Variants in SLC25A13 observed in about 807,000 individuals in gnomAD.
The protein encoded by SLC25A13 is solute carrier family 25 member 13, also known as electrogenic aspartate/glutamate antiporter SLC25A13, mitochondrial.
SLC25A13 carries 70 observed loss-of-function variants against 85.5 expected under a neutral mutation model. That is an observed-to-expected ratio of 0.82 (90% CI 0.68 to 1.00). The LOEUF (loss-of-function observed/expected upper bound fraction) is 1.00. SLC25A13 is among the 50% of genes least tolerant of loss of function. The pLI is 0.00. For synonymous variants in SLC25A13, 259 were observed against 288.7 expected (o/e 0.90, Z 1.04); for missense variants, 765 against 819.8 (o/e 0.93, Z 0.82).
chr7:96,227,507 T>C (rs145822886), intron 4 of SLC25A13, among the ~76,000 whole-genome samples: 1 of 152,142 alleles, frequency 6.6e-6, no homozygotes, highest in Admixed American at 6.5e-5. Flanking sequence ...AAGAATAAAG[T>C]TGAAAACCTA....
At chr7:96,133,283 A>G (rs1792113506) in intron 14 of SLC25A13, among the ~76,000 whole-genome samples, 1 of 152,336 alleles carries the variant, frequency 6.6e-6, no homozygotes, top group East Asian at 1.9e-4. Context: ...AGGCTTCTGT[A>G]TCTTGTCCAC....
chr7:96,191,003 T>A, intron 7 of SLC25A13, 106 bp downstream of exon 7: 1 of 1,288,060 alleles, frequency 7.8e-7, no homozygotes, highest in Non-Finnish European at 1.1e-6. Flanking sequence ...ATAGTTAATA[T>A]GTGTCAATGG....
intron 14 of SLC25A13, among the ~76,000 whole-genome samples, chr7:96,138,531 G>C (rs1792389095): frequency 6.6e-6 from 1 of 151,768 alleles, no homozygotes; most frequent in Admixed American, 6.6e-5. Context: ...AAGTAGCTGG[G>C]ACTACAGGTG....
intron 3 of SLC25A13, among the ~76,000 whole-genome samples, chr7:96,254,201 C>G (rs1427168449): frequency 6.6e-6 from 1 of 152,190 alleles, no homozygotes; most frequent in Non-Finnish European, 1.5e-5. Context: ...AATAGGCAGT[C>G]TGGGTAAAGC....
chr7:96,167,923 C>T (rs1793822813), intron 13 of SLC25A13, among the ~76,000 whole-genome samples: 1 of 151,732 alleles, frequency 6.6e-6, no homozygotes, highest in South Asian at 2.1e-4. Context: ...CATGGTGAAA[C>T]CTAGTCTCTA....
At chr7:96,199,958 T>A (rs1341881775) in intron 5 of SLC25A13, among the ~76,000 whole-genome samples, 1 of 152,036 alleles carries the variant, frequency 6.6e-6, no homozygotes, top group Non-Finnish European at 1.5e-5. Flanking sequence ...GACATGCAAG[T>A]TTGTGCTTTA....
chr7:96,297,656 A>C lies in SLC25A13; in HGVS notation c.16-705T>G, dbSNP rs116590130. On this transcript the variant is annotated intron_variant, in intron 1 of 17. Transcript: ENST00000265631. ...GCCAAGAGAACATATTTCTTAAAGAAGTCAGTGAACTAGGGAAATCATATT... is the reference window on the plus strand; with the variant it reads ...GCCAAGAGAACATATTTCTTAAAGACGTCAGTGAACTAGGGAAATCATATT... Among the ~76,000 whole-genome samples, 439 of 152,248 alleles carry C rather than the reference A, an allele frequency of 2.9e-3. 1 individual carries two copies. The highest frequency in any genetic ancestry group is 9.8e-3 in the African/African-American group (407 of 41,564).
At chr7:96,197,678 C>T (rs1433535860) in intron 5 of SLC25A13, among the ~76,000 whole-genome samples, 3 of 151,718 alleles carry the variant, frequency 2.0e-5, no homozygotes, top group African/African-American at 7.3e-5. Context: ...TAGATCTCAA[C>T]TCAGAAGGGA....
At chr7:96,135,487 A>G (rs1167491141) in intron 14 of SLC25A13, among the ~76,000 whole-genome samples, 1 of 152,244 alleles carries the variant, frequency 6.6e-6, no homozygotes, top group Non-Finnish European at 1.5e-5. Context: ...TTGCTCTTGC[A>G]CAATGAAAAG....
chr7:96,200,965 C>A (rs1420343877), intron 5 of SLC25A13, among the ~76,000 whole-genome samples: 2 of 152,178 alleles, frequency 1.3e-5, no homozygotes, highest in African/African-American at 4.8e-5. Flanking sequence ...GATCACATCT[C>A]TAGTTACTCA....
At chr7:96,187,724 G>C (rs1794691872) in intron 9 of SLC25A13, among the ~76,000 whole-genome samples, 1 of 152,132 alleles carries the variant, frequency 6.6e-6, no homozygotes, top group South Asian at 2.1e-4. Context: ...GCATGTTCTT[G>C]AAATGAGACA....
chr7:96,280,671 C>G (rs1798642723), intron 2 of SLC25A13, among the ~76,000 whole-genome samples: 1 of 152,098 alleles, frequency 6.6e-6, no homozygotes, highest in Non-Finnish European at 1.5e-5. Flanking sequence ...GCCATGTTTG[C>G]ATCACTATAC....
intron 3 of SLC25A13, among the ~76,000 whole-genome samples, chr7:96,254,678 G>A (rs1244148233): frequency 6.6e-6 from 1 of 152,066 alleles, no homozygotes; most frequent in Non-Finnish European, 1.5e-5. Context: ...TCCCTCAAAG[G>A]AGCGTATATA....
At chr7:96,218,604 T>C (rs1274801308) in intron 4 of SLC25A13, among the ~76,000 whole-genome samples, 1 of 152,200 alleles carries the variant, frequency 6.6e-6, no homozygotes, top group Non-Finnish European at 1.5e-5. Context: ...AAAGATTCAC[T>C]TTTTGAAGCA....
chr7:96,288,842 T>C (rs1324424945), intron 2 of SLC25A13, among the ~76,000 whole-genome samples: 2 of 152,268 alleles, frequency 1.3e-5, no homozygotes, highest in African/African-American at 2.4e-5. Context: ...GGGCAGAGCA[T>C]AGCCGAACAA....
intron 3 of SLC25A13, among the ~76,000 whole-genome samples, chr7:96,272,540 T>A (rs1584544045): frequency 6.6e-6 from 1 of 152,294 alleles, no homozygotes; most frequent in East Asian, 1.9e-4. Flanking sequence ...GGAAAAGTGA[T>A]TTCCAGGTCA....
intron 11 of SLC25A13, among the ~76,000 whole-genome samples, chr7:96,176,144 G>A (rs1403735553): frequency 6.6e-6 from 1 of 152,210 alleles, no homozygotes; most frequent in Non-Finnish European, 1.5e-5. Context: ...TCAGAGGGAG[G>A]AGAGGTAGCA....
At chr7:96,138,992 T>C (rs1162360547) in intron 14 of SLC25A13, among the ~76,000 whole-genome samples, 1 of 152,216 alleles carries the variant, frequency 6.6e-6, no homozygotes, top group Non-Finnish European at 1.5e-5. Context: ...AGGACTGGAA[T>C]AATGTGGAAG....
At chr7:96,273,670 A>T (rs936365781) in intron 3 of SLC25A13, among the ~76,000 whole-genome samples, 5 of 152,218 alleles carry the variant, frequency 3.3e-5, no homozygotes, top group Non-Finnish European at 5.9e-5. Flanking sequence ...ATAAAAAGTC[A>T]ATCTAGGTGA....
Sources: allele counts gnomAD v4.1 joint callset (sites outside exome capture counted in the v4.1 genomes callset), GRCh38; gene constraint gnomAD v4.1.1; transcripts MANE v1.5; gene names NCBI Gene and HGNC (gene_info 2026-07-23, HGNC 2026-07-21).